Variants in LSAMP observed in about 807,000 individuals in gnomAD.
The protein encoded by LSAMP is limbic system-associated membrane protein.
A neutral mutation model predicts 38.6 loss-of-function variants in LSAMP; 7 were observed. The observed-to-expected ratio is 0.18, with a 90% CI of 0.10 to 0.34. The LOEUF (loss-of-function observed/expected upper bound fraction) is 0.34. LSAMP is among the 10% of genes least tolerant of loss of function. LSAMP has a pLI of 1.00. For synonymous variants in LSAMP, 154 were observed against 166.8 expected (o/e 0.92, Z 0.59); for missense variants, 313 against 420.0 (o/e 0.75, Z 2.23).
At chr3:116,348,535 C>G (rs903352589) in intron 1 of LSAMP, among the ~76,000 whole-genome samples, 1 of 152,052 alleles carries the variant, frequency 6.6e-6, no homozygotes, top group Non-Finnish European at 1.5e-5. Context: ...TTTTAAATCC[C>G]TGTAACCTTA....
chr3:116,185,030 C>CTTTTTTTTTTT (rs368314567), intron 1 of LSAMP, among the ~76,000 whole-genome samples: 31 of 117,726 alleles, frequency 2.6e-4, no homozygotes, highest in Non-Finnish European at 3.0e-4. Context: ...TTCTTTCTTT[C>CTTTTTTTTTTT]TTTTTTTTTT....
chr3:116,269,405 TCA>T (rs1201041727), intron 1 of LSAMP, among the ~76,000 whole-genome samples: 2 of 152,124 alleles, frequency 1.3e-5, no homozygotes, highest in African/African-American at 4.8e-5. Context: ...AAGAGAGTAC[TCA>T]CAGTTGGATC....
intron 3 of LSAMP, among the ~76,000 whole-genome samples, chr3:115,889,643 A>T (rs1008070184): frequency 6.6e-6 from 1 of 151,980 alleles, no homozygotes; most frequent in Admixed American, 6.6e-5. Flanking sequence ...CTTTGAGAGT[A>T]AAAACTAGCA....
chr3:115,828,496 C>T (rs934244279), intron 6 of LSAMP, among the ~76,000 whole-genome samples: 2 of 152,192 alleles, frequency 1.3e-5, no homozygotes, highest in East Asian at 3.9e-4. Flanking sequence ...ACTGCTATGC[C>T]CATGTTAACT....
chr3:115,825,611 A>G (rs1934381977), intron 6 of LSAMP, among the ~76,000 whole-genome samples: 1 of 152,228 alleles, frequency 6.6e-6, no homozygotes, highest in African/African-American at 2.4e-5. Context: ...TCCATGTGTG[A>G]CCATACAATT....
intron 3 of LSAMP, among the ~76,000 whole-genome samples, chr3:115,940,980 C>T (rs1435201374): frequency 4.6e-5 from 7 of 151,988 alleles, no homozygotes; most frequent in Non-Finnish European, 7.4e-5. Flanking sequence ...GAATAATCAA[C>T]AAGATAAATA....
intron 3 of LSAMP, among the ~76,000 whole-genome samples, chr3:115,905,225 C>A (rs1351074883): frequency 1.3e-5 from 2 of 152,046 alleles, no homozygotes; most frequent in East Asian, 3.9e-4. Flanking sequence ...GAGTCTGTCT[C>A]TATTAGTGAT....
intron 1 of LSAMP, among the ~76,000 whole-genome samples, chr3:116,426,899 TAAA>T (rs11361820): frequency 2.7e-5 from 4 of 148,164 alleles, no homozygotes; most frequent in Non-Finnish European, 3.0e-5. Flanking sequence ...GCCTCAAGGT[TAAA>T]AAAAAAAAAA....
intron 3 of LSAMP, among the ~76,000 whole-genome samples, chr3:115,877,386 T>C (rs1936208250): frequency 6.6e-6 from 1 of 152,168 alleles, no homozygotes; most frequent in Non-Finnish European, 1.5e-5. Flanking sequence ...TTAAATATAC[T>C]GTTGTAGTGT....
intron 1 of LSAMP, among the ~76,000 whole-genome samples, chr3:116,383,810 G>A (rs1403479706): frequency 6.6e-6 from 1 of 151,998 alleles, no homozygotes; most frequent in Non-Finnish European, 1.5e-5. Flanking sequence ...AGTGAACTTG[G>A]GCCAAATTAC....
intron 1 of LSAMP, among the ~76,000 whole-genome samples, chr3:116,343,764 G>A (rs2048028180): frequency 6.6e-6 from 1 of 151,932 alleles, no homozygotes; most frequent in Admixed American, 6.6e-5. Context: ...AGCAAAAGAT[G>A]GAATGCAGGT....
intron 1 of LSAMP, among the ~76,000 whole-genome samples, chr3:116,258,631 G>A (rs2046786762): frequency 6.6e-6 from 1 of 152,042 alleles, no homozygotes; most frequent in Non-Finnish European, 1.5e-5. Context: ...CATATTCTAA[G>A]TAAGAGTGAG....
chr3:115,842,335 G>A, intron 5 of LSAMP, 123 bp downstream of exon 5: 1 of 1,284,790 alleles, frequency 7.8e-7, no homozygotes, highest in South Asian at 1.6e-5. Flanking sequence ...TACTAAAAAG[G>A]AAGAGTGTGA....
intron 1 of LSAMP, among the ~76,000 whole-genome samples, chr3:116,383,910 A>C (rs1576180146): frequency 6.6e-6 from 1 of 152,094 alleles, no homozygotes; most frequent in Non-Finnish European, 1.5e-5. Flanking sequence ...TCACACATTG[A>C]TTAGATGCCA....
chr3:115,843,651 G>T (rs1019738047), intron 4 of LSAMP, among the ~76,000 whole-genome samples: 1 of 151,868 alleles, frequency 6.6e-6, no homozygotes, highest in African/African-American at 2.4e-5. Context: ...TTTAAACCCT[G>T]CCCTTCAGCA....
chr3:116,288,790 A>T (rs2047224613), intron 1 of LSAMP, among the ~76,000 whole-genome samples: 1 of 152,208 alleles, frequency 6.6e-6, no homozygotes, highest in Non-Finnish European at 1.5e-5. Flanking sequence ...AATGTTTTTC[A>T]TAAGGGGACC....
At chr3:115,935,845 T>C (rs1286302758) in intron 3 of LSAMP, among the ~76,000 whole-genome samples, 2 of 152,194 alleles carry the variant, frequency 1.3e-5, no homozygotes, top group African/African-American at 4.8e-5. Flanking sequence ...AATAGCACTC[T>C]TTCAGAACCT....
At chr3:116,223,581 T>C (rs1198758959) in intron 1 of LSAMP, among the ~76,000 whole-genome samples, 1 of 152,188 alleles carries the variant, frequency 6.6e-6, no homozygotes, top group Non-Finnish European at 1.5e-5. Context: ...ATTTGCATGC[T>C]AGTATCTCAA....
At chr3:116,392,408 GGTGCTGCT>G (rs1380720924) in intron 1 of LSAMP, among the ~76,000 whole-genome samples, 2 of 152,336 alleles carry the variant, frequency 1.3e-5, no homozygotes, top group East Asian at 3.9e-4. Flanking sequence ...GCCAAGCCCA[GGTGCTGCT>G]GTCACAGCCC....
Sources: allele counts gnomAD v4.1 joint callset (sites outside exome capture counted in the v4.1 genomes callset), GRCh38; gene constraint gnomAD v4.1.1; transcripts MANE v1.5; gene names NCBI Gene and HGNC (gene_info 2026-07-23, HGNC 2026-07-21).